The following EXOC6 variants were observed in gnomAD, a reference collection of about 807,000 sequenced individuals.
The protein encoded by EXOC6 is SEC15-like 1.
A neutral mutation model predicts 112.5 loss-of-function variants in EXOC6; 60 were observed. The observed-to-expected ratio is 0.53, with a 90% confidence interval of 0.43 to 0.66. The LOEUF (loss-of-function observed/expected upper bound fraction) is 0.66, where lower values mean the gene tolerates loss of function less well. Ranked by LOEUF, EXOC6 falls within the 30% of genes least tolerant of loss-of-function variation. EXOC6 has a pLI of 0.00. For missense variants in EXOC6, 855 were observed against 957.1 expected, an observed-to-expected ratio of 0.89 and a Z score of 1.41; for synonymous variants, 295 against 308.0, an observed-to-expected ratio of 0.96 and a Z score of 0.44.
At position 92,997,349 on chromosome 10, in the gene EXOC6, G is replaced by A. The variant is rs73317384; in HGVS notation, c.1954-125G>A. On this transcript the variant is annotated intron_variant, in intron 18 of 21. Transcript: ENST00000260762. Reference sequence around the variant, plus strand: ...TCAGAATACAGAAACAGGAAGGAAAGTAACCACTATTGTACCAAGCATAAG... The same window carrying A: ...TCAGAATACAGAAACAGGAAGGAAAATAACCACTATTGTACCAAGCATAAG... 5,898 of 745,330 alleles carry A rather than the reference G, an allele frequency of 7.9e-3. 176 individuals are homozygous for A. The highest frequency in any genetic ancestry group is 0.076 in the African/African-American group (4,221 of 55,872). The allele number at this position is 745,330 out of a possible 1,614,324, so 46.2% of individuals were successfully genotyped here.
At chr10:92,916,602 G>T (rs1257272424) in intron 7 of EXOC6, among the ~76,000 whole-genome samples, 1 of 152,146 alleles carries the variant, frequency 6.6e-6, no homozygotes, top group Non-Finnish European at 1.5e-5. Context: ...GTCCTTTCTA[G>T]CAACTAGTGA....
At chr10:92,828,509 T>G (rs1846420851) in intron 1 of EXOC6, among the ~76,000 whole-genome samples, 1 of 152,072 alleles carries the variant, frequency 6.6e-6, no homozygotes, top group African/African-American at 2.4e-5. Context: ...AATTTTTGTA[T>G]TTTTAGTAGA....
intron 19 of EXOC6, among the ~76,000 whole-genome samples, chr10:93,007,678 C>T (rs1316820312): frequency 6.6e-6 from 1 of 152,086 alleles, no homozygotes; most frequent in Admixed American, 6.6e-5. Context: ...AACCCAACTT[C>T]ATCGATTGCC....
chr10:92,920,911 T>G (rs1011329171), intron 8 of EXOC6, among the ~76,000 whole-genome samples: 4 of 152,244 alleles, frequency 2.6e-5, no homozygotes, highest in African/African-American at 9.6e-5. Context: ...ACTCCAGCTT[T>G]CTTCTGAGCA....
rs192818985 is a variant in EXOC6 at position 92,948,500 on chromosome 10, T to C, written c.1416+121T>C. The C allele has an allele frequency of 1.8e-4, 109 of 594,724 alleles. No homozygotes were observed. In the African/African-American group the frequency reaches 1.9e-3, roughly 10 times the overall value. The allele number at this position is 594,724 out of a possible 1,614,324, so 36.8% of individuals were successfully genotyped here. A position where few individuals can be genotyped will look rare whatever the true frequency, so the allele number is the denominator to read the frequency against. On this transcript the variant is annotated intron_variant, in intron 14 of 21. Transcript: ENST00000260762. ...ACAGTGGTTTCTTGAGGGGCAACTT[T>C]TTGTTGTATTGAGAAAACTAACTAT... is the stretch of plus-strand genomic sequence containing the variant.
intron 8 of EXOC6, among the ~76,000 whole-genome samples, chr10:92,923,222 A>T (rs1851539353): frequency 6.6e-6 from 1 of 152,262 alleles, no homozygotes; most frequent in East Asian, 1.9e-4. Context: ...CTTAGATGGT[A>T]CCCTTGGTTG....
chr10:92,846,317 C>G (rs1475830905), upstream of EXOC6, among the ~76,000 whole-genome samples: 2 of 152,144 alleles, frequency 1.3e-5, no homozygotes, highest in Non-Finnish European at 2.9e-5. Flanking sequence ...AAGTAATTCC[C>G]CAGCTGGAGA....
rs1589777580 is a variant in EXOC6, at chr10:92,893,341, A to G, written c.102-8A>G. 6.3e-7 allele frequency: 1 copy of G among 1,578,578 alleles called. No individual in the cohort carries two copies. The highest frequency in any genetic ancestry group is 8.6e-7 in the Non-Finnish European group (1 of 1,162,202). ...TTGGTTAATTTTAGCTTTCTTATAT[A>G]CATTCAGGTCTGTGTATGATGACCA... On this transcript the variant is annotated splice_region_variant and splice_polypyrimidine_tract_variant and intron_variant, in intron 1 of 21. Transcript: ENST00000260762.
chr10:92,969,313 G>C (rs1018769498), intron 17 of EXOC6, among the ~76,000 whole-genome samples: 1 of 152,162 alleles, frequency 6.6e-6, no homozygotes, highest in African/African-American at 2.4e-5. Flanking sequence ...CCAGACATAT[G>C]AGTGAGGAAG....
chr10:92,846,541 T>TA (rs1564766516), upstream of EXOC6, among the ~76,000 whole-genome samples: 1 of 151,548 alleles, frequency 6.6e-6, no homozygotes, highest in Admixed American at 6.6e-5. Context: ...AACTGAAACA[T>TA]AAAAAAAAGA....
chr10:92,934,075 T>G (rs1268172108), intron 9 of EXOC6, 69 bp from the exon 10 acceptor site: 14 of 927,770 alleles, frequency 1.5e-5, no homozygotes, highest in Non-Finnish European at 2.3e-5. Context: ...GAAGTTGTAG[T>G]GACTTGGAAC....
At chr10:92,857,473 A>T (rs1373997704) in intron 1 of EXOC6, among the ~76,000 whole-genome samples, 1 of 152,000 alleles carries the variant, frequency 6.6e-6, no homozygotes, top group Non-Finnish European at 1.5e-5. Flanking sequence ...ACCAATATGT[A>T]TTTTTAAAGT....
At chr10:92,893,849 A>G (rs1045767300) in intron 2 of EXOC6, among the ~76,000 whole-genome samples, 2 of 152,228 alleles carry the variant, frequency 1.3e-5, no homozygotes, top group African/African-American at 2.4e-5. Flanking sequence ...ATAAAATGTT[A>G]TCCTCTAAAA....
rs35924745 is a variant in EXOC6, at chr10:92,992,287, C to CAAAA, written c.1954-5165_1954-5162dup. 3.4e-4 allele frequency among the ~76,000 whole-genome samples: 25 copies of CAAAA among 74,146 alleles called. 1 individual carries two copies. The highest frequency in any genetic ancestry group is 5.8e-4 in the South Asian group (1 of 1,716). 48.6% of individuals were successfully genotyped at this position (74,146 alleles called of 152,430 possible). ...TGGGTGAAAGATCAAGACTCTGTCT[C>CAAAA]AAAAAAAAAAAAAAAAAAAAAAAAA... On this transcript the variant is annotated intron_variant, in intron 18 of 21. Coordinates refer to ENST00000260762, the MANE Select transcript of EXOC6 (RefSeq NM_019053.6).
chr10:92,950,359 TG>T (rs1194723634), intron 14 of EXOC6, among the ~76,000 whole-genome samples: 1 of 152,204 alleles, frequency 6.6e-6, no homozygotes, highest in Non-Finnish European at 1.5e-5. Flanking sequence ...AAAATGTTTT[TG>T]TAGATAGCTA....
In EXOC6 at chr10:92,877,024, G is replaced by C. The variant is rs11187197; in HGVS notation, c.102-16325G>C. On this transcript the variant is annotated intron_variant, in intron 1 of 21. Transcript: ENST00000260762. The stretch of plus-strand genomic sequence containing the variant: ...ATAGAGCAAGGCTAATAGAATCTGC[G>C]TAATGATTTTTTGTTTTTTGTTTTT... Among the ~76,000 whole-genome samples, 4 of 152,076 alleles carry C rather than the reference G, an allele frequency of 2.6e-5. No homozygotes were observed. The South Asian group carries it at 8.3e-4, about 31-fold the overall frequency.
chr10:92,982,118 A>C (rs1842846573), intron 18 of EXOC6, among the ~76,000 whole-genome samples: 1 of 152,212 alleles, frequency 6.6e-6, no homozygotes. Flanking sequence ...TCCGTCTCAA[A>C]AAAAACCAAA....
At chr10:92,989,489 T>G (rs1843144422) in intron 18 of EXOC6, among the ~76,000 whole-genome samples, 1 of 152,212 alleles carries the variant, frequency 6.6e-6, no homozygotes, top group South Asian at 2.1e-4. Flanking sequence ...AAAAATACAG[T>G]AACTAAAACC....
chr10:93,037,694 C>G (rs577972520), intron 20 of EXOC6, among the ~76,000 whole-genome samples: 4 of 151,794 alleles, frequency 2.6e-5, no homozygotes, highest in Non-Finnish European at 5.9e-5. Flanking sequence ...CCTGCCTTAG[C>G]CTCCCAAAGT....
Sources: allele counts gnomAD v4.1 joint callset (sites outside exome capture counted in the v4.1 genomes callset), GRCh38; gene constraint gnomAD v4.1.1; transcripts MANE v1.5; gene names NCBI Gene and HGNC (gene_info 2026-07-23, HGNC 2026-07-21).